LMO7: variants seen among roughly 807,000 people sequenced by gnomAD.
The protein encoded by LMO7 is LIM domain only protein 7.
LMO7 carries 120 observed loss-of-function variants against 206.5 expected under a neutral mutation model. That is an observed-to-expected ratio of 0.58 (90% CI 0.50 to 0.68). The LOEUF is 0.68. LMO7 is among the 30% of genes least tolerant of loss of function. LMO7 has a pLI of 0.00. For missense variants in LMO7, 1,959 were observed against 1,957.9 expected (o/e 1.00, Z -0.01); for synonymous variants, 706 against 681.5 (o/e 1.04, Z -0.56).
intron 4 of LMO7, among the ~76,000 whole-genome samples, chr13:75,781,096 C>CTTTTTTTTTTTTTTTTTTTTTTTTTTT (rs367937964): frequency 4.1e-4 from 17 of 41,924 alleles, no homozygotes; most frequent in East Asian, 1.0e-3. Context: ...CTCTATTTTC[C>CTTTTTTTTTTTTTTTTTTTTTTTTTTT]TTTTTTTTTT....
At chr13:75,676,824 G>C (rs1166013696) in intron 1 of LMO7, among the ~76,000 whole-genome samples, 3 of 152,170 alleles carry the variant, frequency 2.0e-5, no homozygotes, top group African/African-American at 7.2e-5. Flanking sequence ...TACGGTGGCA[G>C]TTCTTTGATG....
chr13:75,845,588 A>G (rs1366380759), intron 26 of LMO7, among the ~76,000 whole-genome samples: 1 of 152,200 alleles, frequency 6.6e-6, no homozygotes, highest in Non-Finnish European at 1.5e-5. Flanking sequence ...ATACTGGGAG[A>G]TTAAAATGGT....
intron 22 of LMO7, 104 bp downstream of exon 22, chr13:75,840,599 C>A (rs1455833529): frequency 7.6e-7 from 1 of 1,319,802 alleles, no homozygotes; most frequent in Non-Finnish European, 1.0e-6. Context: ...GCAACAATCT[C>A]ACAACTAACA....
Position 75,825,211 on chromosome 13 carries a change from A to C in LMO7, c.2949+1338A>C, listed in dbSNP as rs143172478. On this transcript the variant is annotated intron_variant, in intron 15 of 30. Transcript: ENST00000377534. Reference sequence around the variant, plus strand: ...ATATATAATTAACATGCTAAGTCTCAGTGGAGAAGAACAATAGCCTGTGTT... The same window carrying C: ...ATATATAATTAACATGCTAAGTCTCCGTGGAGAAGAACAATAGCCTGTGTT... 4.2e-3 allele frequency among the ~76,000 whole-genome samples: 643 copies of C among 152,312 alleles called. 4 individuals are homozygous for C. The highest frequency in any genetic ancestry group is 0.015 in the African/African-American group (621 of 41,572).
At chr13:75,731,666 G>A (rs1344387699) in intron 3 of LMO7, among the ~76,000 whole-genome samples, 2 of 151,636 alleles carry the variant, frequency 1.3e-5, no homozygotes, top group Non-Finnish European at 2.9e-5. Context: ...ATTTGAACCT[G>A]TCATTATGAT....
intron 3 of LMO7, chr13:75,760,371 CTA>C (rs1257347831): frequency 2.0e-5 from 21 of 1,045,828 alleles, no homozygotes; most frequent in Non-Finnish European, 2.4e-5. Context: ...CTCCTCAGTC[CTA>C]TAGTATGGTT....
rs2139245078 is a variant in LMO7, at chr13:75,841,828, TGA to T, written c.3886_3887del (p.Arg1296GlufsTer18). 6.2e-7 allele frequency: 1 copy of T among 1,613,886 alleles called. No individual in the cohort carries two copies. Among genetic ancestry groups the T allele is most frequent in the Non-Finnish European group, 8.5e-7 (1 of 1,179,948 alleles). Reference sequence around the variant, plus strand: ...AGAAGCCGCAGGATCAGCTTGTTATTGAGAGAGAGAGGAAATGGGAGCAACAG... The same window carrying T: ...AGAAGCCGCAGGATCAGCTTGTTATTGAGAGAGAGGAAATGGGAGCAACAG... ...GKKPQDQLVI[E>X]RERKWEQQLQ... On this transcript the variant is annotated frameshift_variant, in exon 24 of 31. Coordinates refer to ENST00000377534, the MANE Select transcript of LMO7 (RefSeq NM_001306080.2). LOFTEE classifies it high-confidence loss of function.
chr13:75,636,338 G>C lies in LMO7; in HGVS notation c.-320G>C. 3 of 1,187,892 alleles carry C rather than the reference G, an allele frequency of 2.5e-6. No homozygotes were observed. Among genetic ancestry groups the C allele is most frequent in the African/African-American group, 1.7e-5 (1 of 60,448 alleles). The allele number at this position is 1,187,892 out of a possible 1,614,324, so 73.6% of individuals were successfully genotyped here. On this transcript the variant is annotated 5_prime_UTR_variant, in exon 1 of 31. Coordinates refer to ENST00000377534, the MANE Select transcript of LMO7 (RefSeq NM_001306080.2). ...TGCGACTTTTGAAGTCCAAACTGTC[G>C]TCGGGGCTGGTGCCGCGCGCTGCCG... is the stretch of plus-strand genomic sequence containing the variant.
At chr13:75,652,719 A>G (rs149638434) in intron 1 of LMO7, among the ~76,000 whole-genome samples, 1 of 151,790 alleles carries the variant, frequency 6.6e-6, no homozygotes, top group East Asian at 1.9e-4. Flanking sequence ...GAAGGTTACA[A>G]TTATTGCCAA....
Position 75,841,955 on chromosome 13 carries a change from A to G in LMO7, c.4003A>G (p.Thr1335Ala). The G allele has an allele frequency of 6.2e-7, 1 of 1,612,118 alleles. No homozygotes were observed. The highest frequency in any genetic ancestry group is 8.5e-7 in the Non-Finnish European group (1 of 1,179,694). Reference sequence around the variant, plus strand: ...GCGCCAGGCAGAGATAGAGCGGGAAACATCAGTCAGAATATACCAGTACAG... The same window carrying G: ...GCGCCAGGCAGAGATAGAGCGGGAAGCATCAGTCAGAATATACCAGTACAG... The part of the protein sequence containing the change: ...QKRQAEIERE[T>A]SVRIYQYRRP... The change falls in exon 24 of 31, where the codon ACA (threonine) becomes GCA (alanine). Residue 1335 changes from threonine to alanine, a missense_variant. Transcript: ENST00000377534.
In LMO7 at chr13:75,643,138, T is replaced by A. The variant is rs185641335; in HGVS notation, c.69+6412T>A. Among the ~76,000 whole-genome samples the A allele has an allele frequency of 4.2e-3, 642 of 152,324 alleles. 17 individuals are homozygous for A. Among genetic ancestry groups the A allele is most frequent in the Admixed American group, 0.04 (619 of 15,294 alleles). On this transcript the variant is annotated intron_variant, in intron 1 of 30. Coordinates refer to ENST00000377534, the MANE Select transcript of LMO7 (RefSeq NM_001306080.2). ...TTTATTCAATCTGTGTTGGTTCTTGTCTTTCGGTGCATTGCTCTAGCTCTC... is the reference window on the plus strand; with the variant it reads ...TTTATTCAATCTGTGTTGGTTCTTGACTTTCGGTGCATTGCTCTAGCTCTC...
At chr13:75,686,804 T>C (rs748327719) in intron 1 of LMO7, among the ~76,000 whole-genome samples, 23 of 152,208 alleles carry the variant, frequency 1.5e-4, no homozygotes, top group Non-Finnish European at 2.8e-4. Context: ...TTATTTCTCA[T>C]AGTTCTGGAA....
At chr13:75,822,160 G>A (rs2057646680) in intron 14 of LMO7, among the ~76,000 whole-genome samples, 1 of 152,154 alleles carries the variant, frequency 6.6e-6, no homozygotes. Flanking sequence ...TGAGAATGAA[G>A]TGGTACCATA....
At chr13:75,717,069 G>C (rs2043598217) in intron 2 of LMO7, among the ~76,000 whole-genome samples, 1 of 151,786 alleles carries the variant, frequency 6.6e-6, no homozygotes, top group East Asian at 1.9e-4. Flanking sequence ...CTCACAGTAA[G>C]AACACTCTTC....
In LMO7 at chr13:75,784,561, G is replaced by T. The variant is rs59256614; in HGVS notation, c.318-10840G>T. On this transcript the variant is annotated intron_variant, in intron 4 of 30. Transcript: ENST00000377534. ...TTTGGCATGCATTATTTTGACCAGG[G>T]TTCATATCACACAGCACATTTAATA... Among the ~76,000 whole-genome samples, 222 of 152,154 alleles carry T rather than the reference G, an allele frequency of 1.5e-3. 1 individual carries two copies. Among genetic ancestry groups the T allele is most frequent in the African/African-American group, 5.1e-3 (210 of 41,510 alleles).
intron 1 of LMO7, among the ~76,000 whole-genome samples, chr13:75,709,859 A>C (rs80305721): frequency 2.6e-5 from 4 of 151,762 alleles, no homozygotes; most frequent in Non-Finnish European, 2.9e-5. Flanking sequence ...TGTTTTAGAC[A>C]TGAAGTCCTT....
At chr13:75,714,396 CT>C (rs2043353659) in intron 2 of LMO7, among the ~76,000 whole-genome samples, 1 of 152,092 alleles carries the variant, frequency 6.6e-6, no homozygotes, top group Non-Finnish European at 1.5e-5. Context: ...CAAGTTGTTG[CT>C]AGATGATGGG....
At chr13:75,648,269 T>G (rs1225786642) in intron 1 of LMO7, among the ~76,000 whole-genome samples, 1 of 152,196 alleles carries the variant, frequency 6.6e-6, no homozygotes, top group Non-Finnish European at 1.5e-5. Context: ...TTATGATTGT[T>G]TCTAGCTGTT....
At chr13:75,750,839 C>T (rs2047215414) in intron 3 of LMO7, among the ~76,000 whole-genome samples, 2 of 152,164 alleles carry the variant, frequency 1.3e-5, no homozygotes, top group African/African-American at 4.8e-5. Flanking sequence ...CAGTGGTCCT[C>T]CATTTTGACT....
Sources: allele counts gnomAD v4.1 joint callset (sites outside exome capture counted in the v4.1 genomes callset), GRCh38; gene constraint gnomAD v4.1.1; transcripts MANE v1.5; gene names NCBI Gene and HGNC (gene_info 2026-07-23, HGNC 2026-07-21).